The following GABRB1 variants were observed in gnomAD, a reference collection of about 807,000 sequenced individuals.
GABRB1 encodes the protein gamma-aminobutyric acid type A receptor subunit beta1.
GABRB1 carries 17 observed loss-of-function variants against 51.6 expected under a neutral mutation model. The ratio of observed to expected loss-of-function variants is 0.33; its 90% confidence interval spans 0.23 to 0.49. GABRB1 has a LOEUF of 0.49. GABRB1 is among the 20% of genes least tolerant of loss of function. The pLI is 0.99. For missense variants in GABRB1, 410 were observed against 600.6 expected (o/e 0.68, Z 3.32); for synonymous variants, 247 against 218.9 (o/e 1.13, Z -1.14).
rs181397933 is a variant in GABRB1 at position 47,358,227 on chromosome 4, T to C, written c.544+38018T>C. On this transcript the variant is annotated intron_variant, in intron 5 of 8. Transcript: ENST00000295454. Reference sequence around the variant, plus strand: ...GCATTCACGTTTTAGGATGTAAATGTCTATAGGTAGTTATATTAGTTGTAG... The same window carrying C: ...GCATTCACGTTTTAGGATGTAAATGCCTATAGGTAGTTATATTAGTTGTAG... Among the ~76,000 whole-genome samples the C allele has an allele frequency of 1.2e-4, 19 of 152,252 alleles. No individual in the cohort carries two copies. The East Asian group carries it at 3.3e-3, about 26-fold the overall frequency.
chr4:47,012,196 T>C (rs934608456), intron 1 of GABRB1, among the ~76,000 whole-genome samples: 2 of 152,234 alleles, frequency 1.3e-5, no homozygotes, highest in African/African-American at 2.4e-5. Context: ...AATATCATCA[T>C]GCAAATTGAT....
intron 3 of GABRB1, among the ~76,000 whole-genome samples, chr4:47,113,784 A>G (rs1395702999): frequency 2.0e-5 from 3 of 152,368 alleles, no homozygotes; most frequent in Non-Finnish European, 4.4e-5. Context: ...TGGTTTCACC[A>G]ATAAATCCAA....
At chr4:47,139,963 A>G (rs1237990356) in intron 3 of GABRB1, among the ~76,000 whole-genome samples, 2 of 152,002 alleles carry the variant, frequency 1.3e-5, no homozygotes, top group African/African-American at 4.8e-5. Context: ...GTAAATAGTA[A>G]ATCTAATCTA....
chr4:47,276,478 G>T (rs1240949506), intron 4 of GABRB1, among the ~76,000 whole-genome samples: 1 of 151,982 alleles, frequency 6.6e-6, no homozygotes, highest in East Asian at 1.9e-4. Context: ...CCGAGAAATA[G>T]TTCCTGAAAT....
chr4:47,301,143 T>G (rs1724243488), intron 4 of GABRB1, among the ~76,000 whole-genome samples: 1 of 152,282 alleles, frequency 6.6e-6, no homozygotes, highest in East Asian at 1.9e-4. Flanking sequence ...TTATGTTGAC[T>G]CTTAGGTTTC....
intron 4 of GABRB1, among the ~76,000 whole-genome samples, chr4:47,189,079 G>C (rs192552461): frequency 3.9e-5 from 6 of 152,062 alleles, no homozygotes; most frequent in Admixed American, 1.3e-4. Flanking sequence ...CAAAGCAATA[G>C]GAGCCTAGGT....
At chr4:47,086,887 G>A (rs1478638235) in intron 3 of GABRB1, among the ~76,000 whole-genome samples, 1 of 152,138 alleles carries the variant, frequency 6.6e-6, no homozygotes, top group African/African-American at 2.4e-5. Context: ...CCATGGGAGT[G>A]GTCACACTCA....
intron 8 of GABRB1, among the ~76,000 whole-genome samples, chr4:47,413,419 G>A (rs756080420): frequency 6.6e-5 from 10 of 152,084 alleles, no homozygotes; most frequent in Non-Finnish European, 1.3e-4. Flanking sequence ...CAATAACAAA[G>A]CAAGTATTTA....
At chr4:47,171,557 A>C (rs1225925850) in intron 4 of GABRB1, among the ~76,000 whole-genome samples, 2 of 152,138 alleles carry the variant, frequency 1.3e-5, no homozygotes, top group African/African-American at 4.8e-5. Flanking sequence ...TCATTAAAAA[A>C]TATTGACTTG....
At chr4:47,150,219 A>G (rs887388752) in intron 3 of GABRB1, among the ~76,000 whole-genome samples, 9 of 140,488 alleles carry the variant, frequency 6.4e-5, no homozygotes, top group Admixed American at 5.9e-4. Context: ...ACACACACGC[A>G]CACAGTTATT....
chr4:47,360,088 A>G (rs1314636176), intron 5 of GABRB1, among the ~76,000 whole-genome samples: 1 of 151,740 alleles, frequency 6.6e-6, no homozygotes, highest in Non-Finnish European at 1.5e-5. Flanking sequence ...CAACAAAGGC[A>G]CTGGCTGTTT....
chr4:47,253,180 A>T (rs779531697), intron 4 of GABRB1, among the ~76,000 whole-genome samples: 13 of 152,204 alleles, frequency 8.5e-5, no homozygotes, highest in Non-Finnish European at 1.8e-4. Flanking sequence ...CAGATATACT[A>T]TAAAGGAATT....
At chr4:47,187,431 G>A (rs1361165458) in intron 4 of GABRB1, among the ~76,000 whole-genome samples, 1 of 151,804 alleles carries the variant, frequency 6.6e-6, no homozygotes, top group Non-Finnish European at 1.5e-5. Context: ...GCCTCAAATT[G>A]CTTGTCCTTG....
At chr4:47,238,017 CTCAA>C (rs1412085027) in intron 4 of GABRB1, among the ~76,000 whole-genome samples, 3 of 151,674 alleles carry the variant, frequency 2.0e-5, no homozygotes, top group Non-Finnish European at 2.9e-5. Flanking sequence ...CAATAAATAA[CTCAA>C]TCAAAAAACA....
At chr4:47,146,300 T>G (rs1268005933) in intron 3 of GABRB1, among the ~76,000 whole-genome samples, 2 of 151,912 alleles carry the variant, frequency 1.3e-5, no homozygotes, top group Non-Finnish European at 2.9e-5. Context: ...CTTCCTTTCT[T>G]TTTTTCCCCC....
intron 4 of GABRB1, among the ~76,000 whole-genome samples, chr4:47,171,454 G>T (rs951447280): frequency 6.6e-6 from 1 of 152,046 alleles, no homozygotes; most frequent in Non-Finnish European, 1.5e-5. Context: ...TTTTCAAGTA[G>T]TCTTCTGCAG....
chr4:47,413,203 G>A (rs534665461), intron 8 of GABRB1, among the ~76,000 whole-genome samples: 48 of 152,302 alleles, frequency 3.2e-4, no homozygotes, highest in African/African-American at 9.1e-4. Flanking sequence ...AAATTCCGCC[G>A]AGGTCTCTGT....
intron 1 of GABRB1, among the ~76,000 whole-genome samples, chr4:47,004,147 C>T (rs907040879): frequency 6.6e-6 from 1 of 152,030 alleles, no homozygotes; most frequent in African/African-American, 2.4e-5. Context: ...TCCCACCAAG[C>T]CTGTCTAACT....
intron 4 of GABRB1, among the ~76,000 whole-genome samples, chr4:47,176,064 G>A (rs1216167862): frequency 2.0e-5 from 3 of 152,034 alleles, no homozygotes; most frequent in Admixed American, 6.6e-5. Context: ...CTAAATGAAC[G>A]TTGAAAATAC....
Sources: gnomAD v4.1 joint callset for allele counts (sites outside exome capture counted in the v4.1 genomes callset) on GRCh38, gnomAD v4.1.1 for gene constraint, MANE v1.5 for transcripts, NCBI Gene and HGNC (gene_info 2026-07-23, HGNC 2026-07-21) for gene names.